The following RARB variants were observed in gnomAD, a reference collection of about 807,000 sequenced individuals.
RARB encodes retinoic acid receptor beta, also known as HBV-activated protein.
In RARB, 17 loss-of-function variants were observed where a neutral mutation model predicts 51.9. The observed-to-expected ratio is 0.33, with a 90% CI of 0.22 to 0.49. The LOEUF is 0.49. Ranked by LOEUF, RARB falls within the 20% of genes least tolerant of loss-of-function variation. RARB has a pLI of 0.99. For synonymous variants in RARB, 215 were observed against 195.4 expected (o/e 1.10, Z -0.84); for missense variants, 369 against 550.8 (o/e 0.67, Z 3.30).
intron 1 of RARB, among the ~76,000 whole-genome samples, chr3:24,840,646 T>C (rs1054905606): frequency 1.3e-5 from 2 of 150,468 alleles, no homozygotes; most frequent in Admixed American, 1.3e-4. Flanking sequence ...CCTGAAACAA[T>C]GTATGTAAAT....
chr3:24,870,964 T>C (rs1702935495), intron 2 of RARB, among the ~76,000 whole-genome samples: 1 of 152,146 alleles, frequency 6.6e-6, no homozygotes, highest in South Asian at 2.1e-4. Flanking sequence ...GTTGTGCTTT[T>C]AAATACTAGA....
chr3:25,583,504 A>G (rs975496059), intron 5 of RARB, among the ~76,000 whole-genome samples: 2 of 152,326 alleles, frequency 1.3e-5, no homozygotes, highest in East Asian at 3.9e-4. Flanking sequence ...AATGCTTCCA[A>G]CTGCACGCCT....
intron 4 of RARB, among the ~76,000 whole-genome samples, chr3:25,153,174 A>G (rs80011850): frequency 0.019 from 2,887 of 151,612 alleles, 76 homozygotes; most frequent in African/African-American, 0.066. Flanking sequence ...GCGTGCGTGC[A>G]TGCTTTCAGT....
chr3:25,311,798 C>G (rs1223982537), intron 5 of RARB, among the ~76,000 whole-genome samples: 1 of 152,152 alleles, frequency 6.6e-6, no homozygotes, highest in East Asian at 1.9e-4. Flanking sequence ...GGTACATAGA[C>G]AGTTCAGGCT....
At chr3:24,896,592 A>G (rs1703484162) in intron 2 of RARB, among the ~76,000 whole-genome samples, 1 of 152,172 alleles carries the variant, frequency 6.6e-6, no homozygotes, top group Non-Finnish European at 1.5e-5. Context: ...TGATAAGTTC[A>G]GGACATGGAC....
At chr3:25,594,775 CT>C in intron 7 of RARB, 97 bp downstream of exon 7, 1 of 1,139,314 alleles carries the variant, frequency 8.8e-7, no homozygotes, top group Non-Finnish European at 1.1e-6. Context: ...TTAATGGCTG[CT>C]TTTAAAGTCT....
At chr3:25,176,325 C>CTTTG in intron 5 of RARB, among the ~76,000 whole-genome samples, 1 of 44,564 alleles carries the variant, frequency 2.2e-5, no homozygotes, top group Admixed American at 3.0e-4. Flanking sequence ...TTCTTTCTTT[C>CTTTG]TTTCTTTCTT....
At chr3:25,466,268 A>G (rs1429526246) in intron 2 of RARB, among the ~76,000 whole-genome samples, 2 of 152,082 alleles carry the variant, frequency 1.3e-5, no homozygotes, top group African/African-American at 4.8e-5. Flanking sequence ...GCTCACTGCA[A>G]CCTCTGCCTC....
At chr3:24,997,318 T>G (rs1273541012) in intron 2 of RARB, among the ~76,000 whole-genome samples, 1 of 152,114 alleles carries the variant, frequency 6.6e-6, no homozygotes, top group African/African-American at 2.4e-5. Flanking sequence ...AATATTTTTC[T>G]CCATTCCTTC....
chr3:24,849,339 G>A (rs1273121745), intron 1 of RARB, among the ~76,000 whole-genome samples: 2 of 152,214 alleles, frequency 1.3e-5, no homozygotes, highest in Non-Finnish European at 1.5e-5. Context: ...TATATGCCGC[G>A]TGTGTTCATG....
chr3:25,083,459 A>G (rs1699048168), intron 3 of RARB, among the ~76,000 whole-genome samples: 1 of 151,492 alleles, frequency 6.6e-6, no homozygotes, highest in South Asian at 2.1e-4. Context: ...TTTTCCAGAC[A>G]GTATTTTTCA....
chr3:24,988,102 C>T (rs779471229), intron 2 of RARB, among the ~76,000 whole-genome samples: 4 of 152,044 alleles, frequency 2.6e-5, no homozygotes, highest in Non-Finnish European at 4.4e-5. Context: ...CATATAACAC[C>T]CTTAACTAAG....
chr3:25,036,789 G>A (rs1698004199), intron 2 of RARB, among the ~76,000 whole-genome samples: 1 of 152,120 alleles, frequency 6.6e-6, no homozygotes, highest in African/African-American at 2.4e-5. Flanking sequence ...TAACTCCTAA[G>A]TGTGCTTGTT....
intron 3 of RARB, among the ~76,000 whole-genome samples, chr3:25,547,687 T>TA (rs1342332424): frequency 6.6e-6 from 1 of 152,192 alleles, no homozygotes; most frequent in African/African-American, 2.4e-5. Flanking sequence ...AGTGTCTTGG[T>TA]AACCTGTGTT....
At chr3:25,123,504 A>T (rs1699815316) in intron 3 of RARB, among the ~76,000 whole-genome samples, 1 of 152,220 alleles carries the variant, frequency 6.6e-6, no homozygotes. Flanking sequence ...TCACACTGAC[A>T]GTGGCTATAT....
chr3:25,398,315 A>T (rs1707172624), intron 5 of RARB, among the ~76,000 whole-genome samples: 1 of 152,162 alleles, frequency 6.6e-6, no homozygotes, highest in African/African-American at 2.4e-5. Flanking sequence ...ATGCTCCAAC[A>T]TAACTCCCAT....
intron 3 of RARB, among the ~76,000 whole-genome samples, chr3:25,100,805 C>A (rs62230273): frequency 0.041 from 6,192 of 152,222 alleles, 165 homozygotes; most frequent in Middle Eastern, 0.075. Context: ...GGGTTATATA[C>A]CAAGATTTAA....
intron 5 of RARB, among the ~76,000 whole-genome samples, chr3:25,195,867 C>A (rs1237916799): frequency 2.0e-5 from 3 of 151,876 alleles, no homozygotes; most frequent in East Asian, 3.9e-4. Flanking sequence ...ATAAATATAT[C>A]TGAAGTATAT....
chr3:24,920,799 C>G (rs879396361), intron 2 of RARB, among the ~76,000 whole-genome samples: 1 of 152,180 alleles, frequency 6.6e-6, no homozygotes, highest in Non-Finnish European at 1.5e-5. Flanking sequence ...AGTCATTAGT[C>G]TCTCTCACTT....
Sources: allele counts gnomAD v4.1 joint callset (sites outside exome capture counted in the v4.1 genomes callset), GRCh38; gene constraint gnomAD v4.1.1; transcripts MANE v1.5; gene names NCBI Gene and HGNC (gene_info 2026-07-23, HGNC 2026-07-21).